Variants in SLC7A6 observed in about 807,000 individuals in gnomAD.
SLC7A6 encodes the protein solute carrier family 7 member 6, also known as Y+L amino acid transporter 2.
A neutral mutation model predicts 46.6 loss-of-function variants in SLC7A6; 29 were observed. The ratio of observed to expected loss-of-function variants is 0.62; its 90% confidence interval spans 0.46 to 0.85. The LOEUF is 0.85. Ranked by LOEUF, SLC7A6 falls within the 40% of genes least tolerant of loss-of-function variation. The pLI is 0.00. For missense variants in SLC7A6, 527 were observed against 647.6 expected (o/e 0.81, Z 2.02); for synonymous variants, 276 against 257.3 (o/e 1.07, Z -0.70).
chr16:68,268,225 T>C (rs1340459627), intron 2 of SLC7A6, among the ~76,000 whole-genome samples: 1 of 152,172 alleles, frequency 6.6e-6, no homozygotes, highest in Non-Finnish European at 1.5e-5. Context: ...GGTATCCTGT[T>C]GGGGAGGGGC....
At chr16:68,287,565 G>C in intron 3 of SLC7A6, 181 bp from the exon 4 acceptor site, 1 of 1,461,186 alleles carries the variant, frequency 6.8e-7, no homozygotes, top group Non-Finnish European at 9.1e-7. Context: ...AAGTGCCTGT[G>C]TGCTGTCAGC....
chr16:68,292,955 G>T (rs2043087299), intron 7 of SLC7A6, among the ~76,000 whole-genome samples: 1 of 152,108 alleles, frequency 6.6e-6, no homozygotes, highest in Non-Finnish European at 1.5e-5. Context: ...CAGGGCCGGG[G>T]GTATAATAGT....
At chr16:68,294,412 T>C (rs1212298428) in intron 7 of SLC7A6, among the ~76,000 whole-genome samples, 1 of 152,090 alleles carries the variant, frequency 6.6e-6, no homozygotes, top group Non-Finnish European at 1.5e-5. Flanking sequence ...GTGAGGCATC[T>C]GTTGGATGTT....
At chr16:68,288,967 CAAAAAAAA>C (rs753001951) in intron 4 of SLC7A6, among the ~76,000 whole-genome samples, 1 of 76,176 alleles carries the variant, frequency 1.3e-5, no homozygotes, top group African/African-American at 5.1e-5. Flanking sequence ...GATTCCATCT[CAAAAAAAA>C]AAAAAAAAAA....
chr16:68,289,154 G>A (rs930340249), intron 4 of SLC7A6, among the ~76,000 whole-genome samples: 23 of 150,844 alleles, frequency 1.5e-4, no homozygotes, highest in Admixed American at 9.9e-4. Context: ...TTAGCCGGGG[G>A]TGGTGGTGGG....
At chr16:68,270,033 G>A (rs2151213882) in intron 2 of SLC7A6, among the ~76,000 whole-genome samples, 1 of 152,274 alleles carries the variant, frequency 6.6e-6, no homozygotes, top group South Asian at 2.1e-4. Flanking sequence ...CTCCAGAGTA[G>A]CTGAGATTAC....
chr16:68,274,556 C>T (rs375379424), intron 2 of SLC7A6, 135 bp from the exon 3 acceptor site: 2 of 691,704 alleles, frequency 2.9e-6, no homozygotes, highest in East Asian at 2.7e-5. Flanking sequence ...ATGGTGGGAA[C>T]TGAGACAGGC....
intron 4 of SLC7A6, among the ~76,000 whole-genome samples, chr16:68,289,397 G>A (rs1449390497): frequency 6.6e-6 from 1 of 152,224 alleles, no homozygotes; most frequent in African/African-American, 2.4e-5. Context: ...TAGCCATGTG[G>A]ATGTCCCTGG....
intron 3 of SLC7A6, among the ~76,000 whole-genome samples, chr16:68,277,067 C>A (rs568818951): frequency 1.3e-5 from 2 of 151,706 alleles, no homozygotes; most frequent in Non-Finnish European, 2.9e-5. Flanking sequence ...CTTAAGTCAT[C>A]CAAAATCTAC....
chr16:68,274,609 T>C, intron 2 of SLC7A6, 82 bp from the exon 3 acceptor site: 4 of 1,193,544 alleles, frequency 3.4e-6, no homozygotes, highest in South Asian at 1.5e-5. Flanking sequence ...TGTCCCTAAA[T>C]AGGAAGTGGG....
chr16:68,289,845 G>C (rs2043012154), intron 4 of SLC7A6, among the ~76,000 whole-genome samples: 1 of 152,168 alleles, frequency 6.6e-6, no homozygotes, highest in African/African-American at 2.4e-5. Flanking sequence ...ACCGCAAGTA[G>C]AGCAGCATAG....
chr16:68,279,464 T>A (rs1262319304), intron 3 of SLC7A6, among the ~76,000 whole-genome samples: 1 of 152,244 alleles, frequency 6.6e-6, no homozygotes, highest in Non-Finnish European at 1.5e-5. Flanking sequence ...CATGCCAGAC[T>A]GGATTTAATT....
chr16:68,291,832 A>C, intron 7 of SLC7A6, 171 bp downstream of exon 7: 1 of 563,510 alleles, frequency 1.8e-6, no homozygotes. Context: ...GCCTTTGTGC[A>C]AGTAGCACAT....
chr16:68,287,230 A>C (rs1250245642), intron 3 of SLC7A6: 16 of 938,700 alleles, frequency 1.7e-5, no homozygotes, highest in Non-Finnish European at 2.2e-5. Context: ...CATCTGCCTC[A>C]GTTTCCCAAA....
At chr16:68,267,630 A>G (rs1202069286) in intron 2 of SLC7A6, among the ~76,000 whole-genome samples, 2 of 152,176 alleles carry the variant, frequency 1.3e-5, no homozygotes, top group Non-Finnish European at 2.9e-5. Flanking sequence ...TGATATAGCA[A>G]AATATTTTTT....
At chr16:68,274,402 C>T (rs879313284) in intron 2 of SLC7A6, among the ~76,000 whole-genome samples, 2 of 152,170 alleles carry the variant, frequency 1.3e-5, no homozygotes, top group South Asian at 2.1e-4. Flanking sequence ...AGAATCCAAT[C>T]GTTGGACAAA....
At chr16:68,297,178 G>T (rs2043188431) in intron 10 of SLC7A6, 56 bp from the exon 11 acceptor site, 26 of 1,546,316 alleles carry the variant, frequency 1.7e-5, no homozygotes, top group African/African-American at 2.7e-5. Context: ...CCTTGTTCAG[G>T]TTAGGGCTGT....
At position 68,297,534 on chromosome 16, in the gene SLC7A6, G is replaced by T. The variant is rs997287077; in HGVS notation, c.*206G>T. On this transcript the variant is annotated 3_prime_UTR_variant, in exon 11 of 11. Transcript: ENST00000219343. Reference sequence around the variant, plus strand: ...CCTCAAGGTGGGGGCTTCAGAGGGTGGGGGGAAGATTGGGGAACGGGGGGA... The same window carrying T: ...CCTCAAGGTGGGGGCTTCAGAGGGTTGGGGGAAGATTGGGGAACGGGGGGA... 4.9e-6 allele frequency: 2 copies of T among 407,504 alleles called. No homozygotes were observed. Among genetic ancestry groups the T allele is most frequent in the Admixed American group, 4.2e-5 (1 of 23,642 alleles). 25.2% of individuals were successfully genotyped at this position (407,504 alleles called of 1,614,324 possible). A position where few individuals can be genotyped will look rare whatever the true frequency, so the allele number is the denominator to read the frequency against.
chr16:68,299,160 A>G lies in SLC7A6; in HGVS notation c.*1832A>G, dbSNP rs11553015. ...AGGCTGACTTGCCTGAACGCTAAGA[A>G]CATGACTTCTGTCTGAGCTAAGCTG... On this transcript the variant is annotated 3_prime_UTR_variant, in exon 11 of 11. Coordinates refer to ENST00000219343, the MANE Select transcript of SLC7A6 (RefSeq NM_003983.6). 6.6e-6 allele frequency: 1 copy of G among 152,666 alleles called. No individual in the cohort carries two copies. Among genetic ancestry groups the G allele is most frequent in the Admixed American group, 6.5e-5 (1 of 15,290 alleles). 9.5% of individuals were successfully genotyped at this position (152,666 alleles called of 1,614,324 possible). A position where few individuals can be genotyped will look rare whatever the true frequency, so the allele number is the denominator to read the frequency against.
Sources: gnomAD v4.1 joint callset for allele counts (sites outside exome capture counted in the v4.1 genomes callset) on GRCh38, gnomAD v4.1.1 for gene constraint, MANE v1.5 for transcripts, NCBI Gene and HGNC (gene_info 2026-07-23, HGNC 2026-07-21) for gene names.